The following RAVER2 variants were observed in gnomAD, a reference collection of about 807,000 sequenced individuals.
The protein encoded by RAVER2 is ribonucleoprotein PTB-binding 2.
RAVER2 carries 46 observed loss-of-function variants against 78.1 expected under a neutral mutation model. The ratio of observed to expected loss-of-function variants is 0.59; its 90% CI spans 0.46 to 0.75. The LOEUF (loss-of-function observed/expected upper bound fraction) is 0.75. Among genes scored for constraint, RAVER2 ranks in the 30% least tolerant of loss-of-function variants. RAVER2 has a pLI of 0.00. For missense variants in RAVER2, 793 were observed against 837.5 expected, an observed-to-expected ratio of 0.95 and a Z score of 0.66; for synonymous variants, 311 against 313.3, an observed-to-expected ratio of 0.99 and a Z score of 0.08.
intron 5 of RAVER2, among the ~76,000 whole-genome samples, chr1:64,789,736 T>TA (rs1422814417): frequency 1.3e-5 from 2 of 152,230 alleles, no homozygotes; most frequent in African/African-American, 4.8e-5. Flanking sequence ...TGGTATTTTT[T>TA]ACTATTAATA....
chr1:64,768,329 G>C (rs917370103), intron 1 of RAVER2, among the ~76,000 whole-genome samples: 4 of 151,962 alleles, frequency 2.6e-5, no homozygotes, highest in African/African-American at 9.7e-5. Context: ...AGATGCATGT[G>C]ATTTCAGGCA....
intron 5 of RAVER2, among the ~76,000 whole-genome samples, chr1:64,793,687 C>T (rs1347014299): frequency 6.6e-6 from 1 of 152,132 alleles, no homozygotes; most frequent in Non-Finnish European, 1.5e-5. Context: ...GTATAAATTA[C>T]CCCCTAAAGC....
intron 9 of RAVER2, among the ~76,000 whole-genome samples, chr1:64,810,632 G>A (rs914344372): frequency 2.0e-5 from 3 of 152,184 alleles, no homozygotes; most frequent in Non-Finnish European, 2.9e-5. Context: ...TGGGTGTGAA[G>A]TGGTGTCTCA....
chr1:64,827,837 CT>C (rs970475699), intron 11 of RAVER2, among the ~76,000 whole-genome samples: 1 of 152,188 alleles, frequency 6.6e-6, no homozygotes, highest in African/African-American at 2.4e-5. Context: ...CATTGCCATA[CT>C]TTTTACAGAG....
At chr1:64,768,043 T>C (rs1652220111) in intron 1 of RAVER2, among the ~76,000 whole-genome samples, 1 of 152,068 alleles carries the variant, frequency 6.6e-6, no homozygotes, top group Non-Finnish European at 1.5e-5. Context: ...GTTTTTTTCA[T>C]ATCCAGGGAT....
intron 4 of RAVER2, among the ~76,000 whole-genome samples, chr1:64,788,933 T>G (rs747368156): frequency 2.6e-5 from 4 of 152,232 alleles, no homozygotes; most frequent in Non-Finnish European, 5.9e-5. Flanking sequence ...GATCTTGACC[T>G]CCTGAGCTCA....
At chr1:64,827,404 G>T (rs990555861) in intron 11 of RAVER2, among the ~76,000 whole-genome samples, 2 of 152,108 alleles carry the variant, frequency 1.3e-5, no homozygotes, top group African/African-American at 4.8e-5. Context: ...TTGAAGTTAT[G>T]CCCATTCTGA....
At position 64,803,080 on chromosome 1, in the gene RAVER2, G is replaced by A. The variant is rs754125739; in HGVS notation, c.1191+19G>A. ...ACATCAGGTACATAAATAACATTGAGTACTGAAGCATTAAATATTCGGAGT... is the reference window on the plus strand; with the variant it reads ...ACATCAGGTACATAAATAACATTGAATACTGAAGCATTAAATATTCGGAGT... On this transcript the variant is annotated intron_variant, in intron 6 of 11. Transcript: ENST00000294428. 5.4e-6 allele frequency: 8 copies of A among 1,489,864 alleles called. No homozygotes were observed. Among genetic ancestry groups the A allele is most frequent in the Non-Finnish European group, 7.4e-6 (8 of 1,075,578 alleles). The allele number at this position is 1,489,864 out of a possible 1,614,324, so 92.3% of individuals were successfully genotyped here. A position where few individuals can be genotyped will look rare whatever the true frequency, so the allele number is the denominator to read the frequency against.
chr1:64,758,365 C>T (rs1406607946), intron 1 of RAVER2, among the ~76,000 whole-genome samples: 1 of 152,014 alleles, frequency 6.6e-6, no homozygotes, highest in African/African-American at 2.4e-5. Context: ...GGTTACTAAT[C>T]AGTTGATTTA....
chr1:64,758,807 T>A (rs1003187473), intron 1 of RAVER2, among the ~76,000 whole-genome samples: 1 of 152,202 alleles, frequency 6.6e-6, no homozygotes, highest in African/African-American at 2.4e-5. Flanking sequence ...GAATAATAGG[T>A]ATTGTTTTAA....
chr1:64,795,015 G>C (rs1653057975), intron 5 of RAVER2, among the ~76,000 whole-genome samples: 1 of 151,800 alleles, frequency 6.6e-6, no homozygotes, highest in South Asian at 2.1e-4. Flanking sequence ...TAAGAGTCCA[G>C]ATTTTTTTTT....
At chr1:64,813,906 T>C (rs895433914) in intron 10 of RAVER2, among the ~76,000 whole-genome samples, 1 of 151,912 alleles carries the variant, frequency 6.6e-6, no homozygotes, top group African/African-American at 2.4e-5. Context: ...TTATTTATTT[T>C]TTTATTATAC....
chr1:64,808,512 A>AT (rs1320809057), intron 9 of RAVER2, among the ~76,000 whole-genome samples: 1 of 128,926 alleles, frequency 7.8e-6, no homozygotes, highest in Non-Finnish European at 1.5e-5. Flanking sequence ...CCCAGGCTGG[A>AT]ATGCAGCGAC....
intron 1 of RAVER2, among the ~76,000 whole-genome samples, chr1:64,763,253 T>A (rs553138787): frequency 6.6e-6 from 1 of 151,216 alleles, no homozygotes; most frequent in Non-Finnish European, 1.5e-5. Context: ...GCCGAGATCA[T>A]GCCACTGCAC....
intron 11 of RAVER2, among the ~76,000 whole-genome samples, chr1:64,824,298 A>T (rs1653956667): frequency 6.6e-6 from 1 of 152,192 alleles, no homozygotes; most frequent in African/African-American, 2.4e-5. Flanking sequence ...TGAGGGGAAG[A>T]GGAAAGAAAA....
chr1:64,745,213 C>T lies in RAVER2; in HGVS notation c.41C>T (p.Ala14Val). The T allele has an allele frequency of 9.4e-7, 1 of 1,060,942 alleles. No individual in the cohort carries two copies. Among genetic ancestry groups the T allele is most frequent in the South Asian group, 4.4e-5 (1 of 22,808 alleles). The allele number at this position is 1,060,942 out of a possible 1,614,324, so 65.7% of individuals were successfully genotyped here. The change falls in exon 1 of 12, where the codon GCG becomes GTG. Residue 14 changes from alanine to valine, a missense_variant. By Grantham distance (64) the Ala-to-Val change is moderately conservative (BLOSUM62 0). Transcript: ENST00000294428. This position sits in a 1 kb window ranked among gnomAD's most constrained non-coding sequence, Gnocchi z 4.3. ...GGAGACGGCGGCGGCGAGGGGGGCGCGGGCCTGGGCAGCGCGGCGGGGCTG... is the reference window on the plus strand; with the variant it reads ...GGAGACGGCGGCGGCGAGGGGGGCGTGGGCCTGGGCAGCGCGGCGGGGCTG...
In RAVER2 at chr1:64,789,381, A is replaced by G; in HGVS notation, c.979-7A>G. On this transcript the variant is annotated splice_polypyrimidine_tract_variant and splice_region_variant and intron_variant, in intron 4 of 11. Transcript: ENST00000294428. ...TCTAATGTTTCTTATTTCTATATTC[A>G]TTGCAGATGCACAGTAATCAAAAGG... 1 of 1,590,670 alleles carries G rather than the reference A, an allele frequency of 6.3e-7. No individual in the cohort carries two copies. Among genetic ancestry groups the G allele is most frequent in the Non-Finnish European group, 8.6e-7 (1 of 1,168,064 alleles).
At chr1:64,795,848 G>A (rs1316387556) in intron 5 of RAVER2, among the ~76,000 whole-genome samples, 5 of 151,954 alleles carry the variant, frequency 3.3e-5, no homozygotes, top group Non-Finnish European at 7.4e-5. Flanking sequence ...GAACTGGTGA[G>A]AGCAGACATC....
exon 7 of RAVER2, chr1:64,804,831 CTAA>C (rs1557601007): frequency 1.1e-5 from 17 of 1,546,110 alleles, no homozygotes; most frequent in Non-Finnish European, 1.5e-5. Flanking sequence ...AATATTCATA[CTAA>C]TAATGTAAGT....
Sources: allele counts gnomAD v4.1 joint callset (sites outside exome capture counted in the v4.1 genomes callset), GRCh38; gene constraint gnomAD v4.1.1; non-coding constraint Gnocchi (gnomAD v3.1); transcripts MANE v1.5; gene names NCBI Gene and HGNC (gene_info 2026-07-23, HGNC 2026-07-21).